Variants in ERCC6 observed in about 807,000 individuals in gnomAD.
ERCC6 encodes the protein ERCC excision repair 6, chromatin remodeling factor, also known as DNA excision repair protein ERCC-6.
Under a neutral mutation model 158.7 loss-of-function variants are expected in ERCC6, and 116 were observed. The ratio of observed to expected loss-of-function variants is 0.73; its 90% CI spans 0.63 to 0.85. ERCC6 has a LOEUF of 0.85. Among genes scored for constraint, ERCC6 ranks in the 40% least tolerant of loss-of-function variants. The pLI is 0.00. For missense variants in ERCC6, 1,698 were observed against 1,799.4 expected (o/e 0.94, Z 1.02); for synonymous variants, 678 against 659.3 (o/e 1.03, Z -0.43).
chr10:49,532,706 C>A lies in ERCC6; in HGVS notation c.259G>T (p.Ala87Ser), dbSNP rs755721992. 3.1e-6 allele frequency: 5 copies of A among 1,614,198 alleles called. No individual in the cohort carries two copies. Among genetic ancestry groups the A allele is most frequent in the Admixed American group, 3.3e-5 (2 of 60,026 alleles). ...RHQIQAVEPS[A>S]QALELQGLGV... ...AAACCCTGCAGCTCAAGGGCCTGGG[C>A]GCTAGGCTCTACTGCCTGGATCTGA... The change falls in exon 2 of 21, where the codon GCC (alanine) becomes TCC (serine). Residue 87 changes from alanine to serine, a missense_variant. By Grantham distance (99) the Ala-to-Ser change is moderately conservative. Coordinates refer to ENST00000355832, the MANE Select transcript of ERCC6 (RefSeq NM_000124.4).
intron 18 of ERCC6, 108 bp from the exon 19 acceptor site, chr10:49,461,664 T>C: frequency 1.9e-6 from 2 of 1,062,506 alleles, no homozygotes; most frequent in Non-Finnish European, 2.8e-6. Context: ...AAAGTGATAG[T>C]ACACTTAGAA....
intron 6 of ERCC6, chr10:49,502,866 C>T (rs990000366): frequency 2.0e-5 from 3 of 152,142 alleles, no homozygotes; most frequent in Non-Finnish European, 4.4e-5. Flanking sequence ...GGTCGAGAAA[C>T]CCTCATTTAG....
intron 5 of ERCC6, chr10:49,516,952 C>G (rs779085147): frequency 1.2e-6 from 2 of 1,614,110 alleles, no homozygotes; most frequent in Non-Finnish European, 1.7e-6. Flanking sequence ...AACAAAGAAC[C>G]TGGCAGATTA....
At position 49,489,662 on chromosome 10, in the gene ERCC6, C is replaced by T. The variant is rs146020207; in HGVS notation, c.1821+3455G>A. ...GATGTTACAGAACTACTAGAGACTACGTAGCAAAAAAAGGTAGGAGAGAGA... is the reference window on the plus strand; with the variant it reads ...GATGTTACAGAACTACTAGAGACTATGTAGCAAAAAAAGGTAGGAGAGAGA... On this transcript the variant is annotated intron_variant, in intron 8 of 20. Coordinates refer to ENST00000355832, the MANE Select transcript of ERCC6 (RefSeq NM_000124.4). 4.7e-4 allele frequency among the ~76,000 whole-genome samples: 72 copies of T among 151,726 alleles called. 1 individual carries two copies. Among genetic ancestry groups the T allele is most frequent in the African/African-American group, 1.6e-3 (66 of 41,380 alleles).
chr10:49,439,624 G>A, the ERCC6 span, among the ~76,000 whole-genome samples: 5 of 152,170 alleles, frequency 3.3e-5, no homozygotes, highest in Middle Eastern at 3.2e-3. Flanking sequence ...TTCTACAGCC[G>A]ACTTGAATTT....
In ERCC6 at chr10:49,461,279, C is replaced by T. The variant is rs957130849; in HGVS notation, c.3983+73G>A. 3.4e-6 allele frequency: 5 copies of T among 1,462,276 alleles called. No individual in the cohort carries two copies. In the African/African-American group the frequency reaches 4.2e-5, roughly 12 times the overall value. 90.6% of individuals were successfully genotyped at this position (1,462,276 alleles called of 1,614,324 possible). On this transcript the variant is annotated intron_variant, in intron 19 of 20. Transcript: ENST00000355832. The stretch of plus-strand genomic sequence containing the variant: ...AGAGAAATAACAGTATAAGCCTCCA[C>T]ACCTGCCCTGATTTTATTTCTAGCC...
chr10:49,504,358 A>T (rs113463724), intron 6 of ERCC6: 3 of 152,192 alleles, frequency 2.0e-5, no homozygotes, highest in Non-Finnish European at 4.4e-5. Context: ...TAAAAAACGA[A>T]TATTATTTAT....
rs916514011 is a variant in ERCC6 at position 49,458,093 on chromosome 10, T to A, written c.*722A>T. 9.9e-5 allele frequency: 15 copies of A among 152,244 alleles called. No individual in the cohort carries two copies. Among genetic ancestry groups the A allele is most frequent in the African/African-American group, 3.6e-4 (15 of 41,434 alleles). The allele number at this position is 152,244 out of a possible 1,614,324, so 9.4% of individuals were successfully genotyped here. On this transcript the variant is annotated 3_prime_UTR_variant, in exon 21 of 21. Transcript: ENST00000355832. Reference sequence around the variant, plus strand: ...CTTTTGGCTTTAATTTGATTTTTTTTAATGATAACACATTTTGTGACTGTA... The same window carrying A: ...CTTTTGGCTTTAATTTGATTTTTTTAAATGATAACACATTTTGTGACTGTA...
chr10:49,532,303 T>C (rs1394096399), intron 2 of ERCC6, among the ~76,000 whole-genome samples: 2 of 152,200 alleles, frequency 1.3e-5, no homozygotes, highest in Non-Finnish European at 2.9e-5. Flanking sequence ...CTGGACATTA[T>C]GCATGCAACT....
chr10:49,537,544 T>C (rs1294617725), intron 1 of ERCC6, among the ~76,000 whole-genome samples: 2 of 150,338 alleles, frequency 1.3e-5, no homozygotes, highest in African/African-American at 5.0e-5. Context: ...CAAATATAAT[T>C]GTGGTGACTG....
intron 8 of ERCC6, among the ~76,000 whole-genome samples, chr10:49,489,668 A>C (rs988769665): frequency 6.6e-5 from 10 of 152,164 alleles, no homozygotes; most frequent in Non-Finnish European, 1.5e-5. Context: ...ACTACGTAGC[A>C]AAAAAAGGTA....
chr10:49,460,747 C>T (rs1190078750), intron 19 of ERCC6, among the ~76,000 whole-genome samples: 5 of 152,128 alleles, frequency 3.3e-5, no homozygotes, highest in Non-Finnish European at 7.3e-5. Context: ...ATGGTGAAAT[C>T]CCGTCTCTAC....
intron 7 of ERCC6, among the ~76,000 whole-genome samples, chr10:49,494,432 T>C (rs1019948847): frequency 2.6e-5 from 4 of 152,222 alleles, no homozygotes; most frequent in African/African-American, 9.6e-5. Flanking sequence ...CCATAATTTT[T>C]AAAAATTATT....
Position 49,528,495 on chromosome 10 carries a change from G to C in ERCC6, c.574C>G (p.Gln192Glu). Reference protein sequence around the residue: ...EQQLKKITAKQKHLQAILGGA... With the variant: ...EQQLKKITAKEKHLQAILGGA... Reference sequence around the variant, plus strand: ...CCAAGGATGGCCTGGAGATGCTTTTGTTTTGCAGTGATCTTTTTTAGCTGT... The same window carrying C: ...CCAAGGATGGCCTGGAGATGCTTTTCTTTTGCAGTGATCTTTTTTAGCTGT... Residue 192 changes from glutamine (Q) to glutamate (E), a missense_variant, in exon 4 of 21, where the codon CAA becomes GAA. Gln to Glu is a conservative substitution (Grantham distance 29). Transcript: ENST00000355832. The C allele has an allele frequency of 6.2e-7, 1 of 1,614,140 alleles. No individual in the cohort carries two copies. Among genetic ancestry groups the C allele is most frequent in the South Asian group, 1.1e-5 (1 of 91,086 alleles).
chr10:49,516,393 TC>T, intron 5 of ERCC6: 1 of 1,614,180 alleles, frequency 6.2e-7, no homozygotes, highest in Non-Finnish European at 8.5e-7. Context: ...GGAAAATTTG[TC>T]CACTGGATCC....
chr10:49,534,153 A>AC (rs1248099137), intron 1 of ERCC6, among the ~76,000 whole-genome samples: 5 of 151,096 alleles, frequency 3.3e-5, no homozygotes, highest in African/African-American at 1.2e-4. Flanking sequence ...AAAAAAAAAA[A>AC]ACAAAAAAAA....
At chr10:49,449,339 T>C (rs546010315), downstream of ERCC6, among the ~76,000 whole-genome samples, 4 of 152,328 alleles carry the variant, frequency 2.6e-5, no homozygotes, top group African/African-American at 7.2e-5. Flanking sequence ...TTATTAGATA[T>C]GATTCACAAA....
intron 9 of ERCC6, among the ~76,000 whole-genome samples, 191 bp from the exon 10 acceptor site, chr10:49,483,054 A>G (rs56318749): frequency 6.6e-6 from 1 of 152,218 alleles, no homozygotes; most frequent in Non-Finnish European, 1.5e-5. Context: ...AAAATGAGAA[A>G]GAATTTTTTC....
intron 12 of ERCC6, 67 bp downstream of exon 12, chr10:49,476,148 G>T: frequency 8.8e-7 from 1 of 1,138,774 alleles, no homozygotes; most frequent in South Asian, 1.2e-5. Flanking sequence ...GTAGATCCTA[G>T]TTTCTTTTCC....
Sources: allele counts gnomAD v4.1 joint callset (sites outside exome capture counted in the v4.1 genomes callset), GRCh38; gene constraint gnomAD v4.1.1; transcripts MANE v1.5; gene names NCBI Gene and HGNC (gene_info 2026-07-23, HGNC 2026-07-21).